Variants in USH1C observed in about 807,000 individuals in gnomAD.
USH1C encodes the protein USH1 protein network component harmonin.
Under a neutral mutation model 119.3 loss-of-function variants are expected in USH1C, and 90 were observed. The observed-to-expected ratio is 0.75, with a 90% CI of 0.64 to 0.90. USH1C has a LOEUF of 0.90. Among genes scored for constraint, USH1C ranks in the 40% least tolerant of loss-of-function variants. The probability of loss-of-function intolerance (pLI) is 0.00; values close to 1 mark genes in which losing one functional copy is unlikely to be tolerated. For synonymous variants in USH1C, 465 were observed against 443.3 expected, an observed-to-expected ratio of 1.05 and a Z score of -0.62; for missense variants, 1,165 against 1,167.7, an observed-to-expected ratio of 1.00 and a Z score of 0.03.
intron 4 of USH1C, among the ~76,000 whole-genome samples, chr11:17,527,656 A>G (rs955839119): frequency 1.3e-5 from 2 of 152,186 alleles, no homozygotes; most frequent in African/African-American, 4.8e-5. Context: ...CTTTCACTCC[A>G]CTGGGGCACC....
At chr11:17,519,776 C>A (rs914025893) in intron 14 of USH1C, among the ~76,000 whole-genome samples, 11 of 152,300 alleles carry the variant, frequency 7.2e-5, no homozygotes, top group African/African-American at 2.4e-4. Context: ...GTGTTGGGAG[C>A]TGTTTGACTG....
chr11:17,496,667 T>A (rs1267999971), intron 25 of USH1C, 91 bp downstream of exon 25: 1 of 1,524,298 alleles, frequency 6.6e-7, no homozygotes, highest in East Asian at 2.3e-5. Flanking sequence ...TCCTTCAGGC[T>A]GGGAGAAGGC....
At chr11:17,536,112 A>C (rs1225493913) in intron 1 of USH1C, among the ~76,000 whole-genome samples, 1 of 152,250 alleles carries the variant, frequency 6.6e-6, no homozygotes, top group Non-Finnish European at 1.5e-5. Flanking sequence ...AAAATGGGAC[A>C]TCTTTTGAAT....
At chr11:17,523,787 C>A (rs1228188145) in intron 9 of USH1C, among the ~76,000 whole-genome samples, 1 of 152,216 alleles carries the variant, frequency 6.6e-6, no homozygotes, top group Non-Finnish European at 1.5e-5. Flanking sequence ...GATGCGGGAA[C>A]CTTTGAGCTT....
Position 17,501,093 on chromosome 11 carries a change from C to G in USH1C, c.2338G>C (p.Val780Leu), listed in dbSNP as rs1168173659. 1.2e-6 allele frequency: 2 copies of G among 1,613,966 alleles called. No individual in the cohort carries two copies. Among genetic ancestry groups the G allele is most frequent in the Non-Finnish European group, 1.7e-6 (2 of 1,180,026 alleles). The change falls in exon 23 of 27, where the codon GTC becomes CTC. Residue 780 changes from valine (V) to leucine (L), a missense_variant. Transcript: ENST00000005226. The part of the protein sequence containing the change: ...GGVDSPIGKV[V>L]VSAVYERGAA... The stretch of plus-strand genomic sequence containing the variant: ...CCCCGCTCATACACAGCAGAAACGA[C>G]CACCTTCCCAATGGGGGAGTCCACA...
intron 20 of USH1C, 172 bp from the exon 21 acceptor site, chr11:17,502,152 A>G (rs778317244): frequency 9.1e-5 from 55 of 604,696 alleles, no homozygotes; most frequent in Admixed American, 2.7e-4. Flanking sequence ...CCTAGCAGCC[A>G]GGGCACCCCT....
Position 17,517,296 on chromosome 11 carries a change from C to G in USH1C, c.1211-1006G>C, listed in dbSNP as rs569865516. 5.6e-5 allele frequency: 67 copies of G among 1,188,756 alleles called. No homozygotes were observed. The African/African-American group carries it at 7.4e-4, about 13-fold the overall frequency. 73.6% of individuals were successfully genotyped at this position (1,188,756 alleles called of 1,614,324 possible). A position where few individuals can be genotyped will look rare whatever the true frequency, so the allele number is the denominator to read the frequency against. On this transcript the variant is annotated intron_variant, in intron 14 of 26. Transcript: ENST00000005226. ...GAGCTTTACAGACTCTATTGGCCCCCACACATGCTGGGCCCCTGAAGCTGG... is the reference window on the plus strand; with the variant it reads ...GAGCTTTACAGACTCTATTGGCCCCGACACATGCTGGGCCCCTGAAGCTGG...
chr11:17,527,727 G>A (rs1284435695), intron 4 of USH1C, among the ~76,000 whole-genome samples: 15 of 152,092 alleles, frequency 9.9e-5, no homozygotes, highest in Admixed American at 8.5e-4. Context: ...TATTCTTACC[G>A]GGACTTTGTC....
intron 25 of USH1C, among the ~76,000 whole-genome samples, 197 bp from the exon 26 acceptor site, chr11:17,495,874 C>T (rs1426519499): frequency 6.6e-6 from 1 of 151,646 alleles, no homozygotes; most frequent in Non-Finnish European, 1.5e-5. Flanking sequence ...GGGGAGCAAG[C>T]AGGCCCAGCC....
At chr11:17,530,366 G>A (rs558818113) in intron 4 of USH1C, among the ~76,000 whole-genome samples, 2 of 152,348 alleles carry the variant, frequency 1.3e-5, no homozygotes, top group South Asian at 4.1e-4. Context: ...AGAGATTTCT[G>A]GGCTTGGCAG....
chr11:17,496,936 G>A (rs1057063170), intron 24 of USH1C, 123 bp from the exon 25 acceptor site: 21 of 1,091,836 alleles, frequency 1.9e-5, no homozygotes, highest in South Asian at 1.2e-4. Context: ...TTCTTCCCAC[G>A]GGCCCACCTG....
Position 17,531,275 on chromosome 11 carries a change from C to T in USH1C, c.266G>A (p.Arg89His), listed in dbSNP as rs749647539. The T allele has an allele frequency of 9.9e-6, 16 of 1,614,022 alleles. No homozygotes were observed. Among genetic ancestry groups the T allele is most frequent in the South Asian group, 3.3e-5 (3 of 91,082 alleles). Residue 89 changes from arginine to histidine, a missense_variant, in exon 4 of 27, where the codon CGT becomes CAT. By Grantham distance (29) the Arg-to-His change is conservative. Coordinates refer to ENST00000005226, the MANE Select transcript of USH1C (RefSeq NM_153676.4). This position sits in a 1 kb window ranked among gnomAD's most constrained non-coding sequence, Gnocchi z 4.2. The part of the protein sequence containing the change: ...PRRSRKLKEV[R>H]LDRLHPEGLG... Reference sequence around the variant, plus strand: ...GCCTTCGGGGTGCAGACGGTCCAGACGCACCTCCTTCAGCTTCCTGCCACA... The same window carrying T: ...GCCTTCGGGGTGCAGACGGTCCAGATGCACCTCCTTCAGCTTCCTGCCACA...
chr11:17,541,596 C>T (rs181930969), intron 1 of USH1C, among the ~76,000 whole-genome samples: 1 of 152,348 alleles, frequency 6.6e-6, no homozygotes, highest in East Asian at 1.9e-4. Flanking sequence ...AGAGCAGTCT[C>T]CCTTTGAAAG....
chr11:17,497,634 T>C (rs1849291424), intron 24 of USH1C, among the ~76,000 whole-genome samples: 1 of 152,220 alleles, frequency 6.6e-6, no homozygotes, highest in Non-Finnish European at 1.5e-5. Flanking sequence ...GTTGCACAGG[T>C]TGTGCATTGC....
At chr11:17,504,934 T>C (rs1490804985) in intron 19 of USH1C, among the ~76,000 whole-genome samples, 5 of 152,238 alleles carry the variant, frequency 3.3e-5, no homozygotes, top group Admixed American at 3.3e-4. Context: ...ATCCGCAGGC[T>C]GTCCCAGGAG....
chr11:17,511,085 G>C (rs1229937916), intron 16 of USH1C, among the ~76,000 whole-genome samples: 2 of 152,150 alleles, frequency 1.3e-5, no homozygotes, highest in African/African-American at 2.4e-5. Context: ...ACCTCCTACA[G>C]CTGGGGAGTT....
intron 25 of USH1C, 55 bp downstream of exon 25, chr11:17,496,703 T>C: frequency 6.2e-7 from 1 of 1,607,974 alleles, no homozygotes; most frequent in Non-Finnish European, 8.5e-7. Context: ...GAAAGGTGGC[T>C]GAGATTCTGG....
chr11:17,531,114 G>A lies in USH1C; in HGVS notation c.387+40C>T, dbSNP rs765689507. 11 of 1,613,086 alleles carry A rather than the reference G, an allele frequency of 6.8e-6. No homozygotes were observed. Among genetic ancestry groups the A allele is most frequent in the Middle Eastern group, 1.7e-4 (1 of 5,778 alleles). ...TGAATGAGGGGGAGGCAGGAGGTCCGAGGCCCTCGCTCCCCCTCCCCCGGA... is the reference window on the plus strand; with the variant it reads ...TGAATGAGGGGGAGGCAGGAGGTCCAAGGCCCTCGCTCCCCCTCCCCCGGA... On this transcript the variant is annotated intron_variant, in intron 4 of 26. Coordinates refer to ENST00000005226, the MANE Select transcript of USH1C (RefSeq NM_153676.4). The surrounding 1 kb of genome is among the most constrained non-coding windows in gnomAD (Gnocchi z 4.2).
chr11:17,533,781 A>G (rs915573907), intron 1 of USH1C: 1 of 458,032 alleles, frequency 2.2e-6, no homozygotes, highest in Non-Finnish European at 4.4e-6. Flanking sequence ...TCGCTTAGAT[A>G]GCACATGCCA....
Sources: allele counts gnomAD v4.1 joint callset (sites outside exome capture counted in the v4.1 genomes callset), GRCh38; gene constraint gnomAD v4.1.1; non-coding constraint Gnocchi (gnomAD v3.1); transcripts MANE v1.5; gene names NCBI Gene and HGNC (gene_info 2026-07-23, HGNC 2026-07-21).